Variants in IMMP2L observed in about 807,000 individuals in gnomAD.
The protein encoded by IMMP2L is mitochondrial inner membrane protease subunit 2.
Under a neutral mutation model 19.3 loss-of-function variants are expected in IMMP2L, and 18 were observed. The observed-to-expected ratio is 0.93, with a 90% CI of 0.64 to 1.38. The LOEUF is 1.38. Ranked by LOEUF, IMMP2L falls within the 40% of genes most tolerant of loss-of-function variation. The pLI is 0.00. For missense variants in IMMP2L, 233 were observed against 218.2 expected, an observed-to-expected ratio of 1.07 and a Z score of -0.43; for synonymous variants, 76 against 73.0, an observed-to-expected ratio of 1.04 and a Z score of -0.21.
chr7:111,152,683 C>G (rs1305923005), intron 3 of IMMP2L, among the ~76,000 whole-genome samples: 1 of 152,090 alleles, frequency 6.6e-6, no homozygotes, highest in Non-Finnish European at 1.5e-5. Flanking sequence ...CTACTCTATC[C>G]CCAACTCAGC....
intron 3 of IMMP2L, among the ~76,000 whole-genome samples, chr7:111,417,258 C>A (rs1467275069): frequency 1.3e-5 from 2 of 151,904 alleles, no homozygotes; most frequent in Admixed American, 1.3e-4. Context: ...AAGTAAGATA[C>A]TTTGCCAATG....
intron 3 of IMMP2L, among the ~76,000 whole-genome samples, chr7:110,992,104 T>A (rs1822537998): frequency 6.6e-6 from 1 of 152,190 alleles, no homozygotes; most frequent in Non-Finnish European, 1.5e-5. Context: ...GCTACAATTA[T>A]ATGTACATTT....
chr7:111,069,981 C>T (rs2129575256), intron 3 of IMMP2L, among the ~76,000 whole-genome samples: 1 of 152,224 alleles, frequency 6.6e-6, no homozygotes, highest in East Asian at 1.9e-4. Flanking sequence ...AGGGTGCCCT[C>T]CTTCAAAGAC....
intron 3 of IMMP2L, among the ~76,000 whole-genome samples, chr7:111,468,256 C>T (rs913413825): frequency 6.6e-6 from 1 of 152,056 alleles, no homozygotes; most frequent in Admixed American, 6.6e-5. Flanking sequence ...AAACATACAT[C>T]CCTCATTGTT....
At chr7:111,022,533 A>G (rs1826392975) in intron 3 of IMMP2L, among the ~76,000 whole-genome samples, 1 of 152,170 alleles carries the variant, frequency 6.6e-6, no homozygotes, top group African/African-American at 2.4e-5. Context: ...TCCTCCTCAG[A>G]TGTTCCGAGA....
chr7:111,303,732 T>C (rs1822519398), intron 3 of IMMP2L, among the ~76,000 whole-genome samples: 1 of 152,130 alleles, frequency 6.6e-6, no homozygotes, highest in Non-Finnish European at 1.5e-5. Context: ...CACATTTCTC[T>C]GTACAATTTT....
chr7:111,445,271 A>G (rs1838214430), intron 3 of IMMP2L, among the ~76,000 whole-genome samples: 1 of 152,024 alleles, frequency 6.6e-6, no homozygotes, highest in Non-Finnish European at 1.5e-5. Context: ...AAAAAATGAA[A>G]TCTCATATAT....
chr7:110,978,568 G>A (rs935680717), intron 3 of IMMP2L, among the ~76,000 whole-genome samples: 1 of 151,822 alleles, frequency 6.6e-6, no homozygotes, highest in Non-Finnish European at 1.5e-5. Flanking sequence ...AAAAATTGAT[G>A]GTGACATTCT....
rs572798498 is a variant in IMMP2L at position 110,843,302 on chromosome 7, A to T, written c.408+43291T>A. ...ACTTTGTTGGCAAAAAAAGATGAAG[A>T]AACAAACCAAATACTCCAATTTATT... On this transcript the variant is annotated intron_variant, in intron 5 of 5. Transcript: ENST00000405709. 2.8e-4 allele frequency among the ~76,000 whole-genome samples: 42 copies of T among 152,308 alleles called. 1 individual carries two copies. The South Asian group carries it at 8.5e-3, about 31-fold the overall frequency.
intron 5 of IMMP2L, among the ~76,000 whole-genome samples, chr7:110,754,275 T>G (rs1797910272): frequency 6.6e-6 from 1 of 152,042 alleles, no homozygotes; most frequent in African/African-American, 2.4e-5. Flanking sequence ...CCAATTAATA[T>G]AATCAGTGAA....
At chr7:111,208,744 G>A (rs1282815178) in intron 3 of IMMP2L, among the ~76,000 whole-genome samples, 1 of 152,134 alleles carries the variant, frequency 6.6e-6, no homozygotes, top group Non-Finnish European at 1.5e-5. Flanking sequence ...GATTGGTCTG[G>A]TGCAATCCTT....
intron 3 of IMMP2L, among the ~76,000 whole-genome samples, chr7:111,470,946 C>T (rs1841204088): frequency 6.6e-6 from 1 of 151,332 alleles, no homozygotes; most frequent in South Asian, 2.1e-4. Context: ...GCATACAAAG[C>T]TAAAACAGAA....
chr7:111,126,422 T>C (rs949877749), intron 3 of IMMP2L, among the ~76,000 whole-genome samples: 1 of 152,210 alleles, frequency 6.6e-6, no homozygotes, highest in Non-Finnish European at 1.5e-5. Flanking sequence ...ACAATTCAGA[T>C]ACTTTCAGAG....
chr7:111,250,815 A>C (rs1300338327), intron 3 of IMMP2L, among the ~76,000 whole-genome samples: 1 of 152,210 alleles, frequency 6.6e-6, no homozygotes, highest in Non-Finnish European at 1.5e-5. Context: ...AAGAAAATCT[A>C]GGCTATTATC....
chr7:110,796,006 G>A (rs749885789), intron 5 of IMMP2L, among the ~76,000 whole-genome samples: 8 of 151,982 alleles, frequency 5.3e-5, no homozygotes, highest in African/African-American at 1.2e-4. Context: ...TCATCAGGGC[G>A]GTTACTCTCA....
At chr7:111,364,993 T>A (rs1331151165) in intron 3 of IMMP2L, among the ~76,000 whole-genome samples, 1 of 151,812 alleles carries the variant, frequency 6.6e-6, no homozygotes, top group Non-Finnish European at 1.5e-5. Flanking sequence ...CTATAAACAT[T>A]ATATACATAA....
intron 3 of IMMP2L, among the ~76,000 whole-genome samples, chr7:111,370,306 C>T (rs1364356118): frequency 1.3e-5 from 2 of 151,860 alleles, no homozygotes; most frequent in East Asian, 3.9e-4. Flanking sequence ...CCAGTAATAA[C>T]ATGAATCTAC....
rs566087540 is a variant in IMMP2L, at chr7:111,353,507, A to G, written c.239+133731T>C. Among the ~76,000 whole-genome samples, 27 of 152,196 alleles carry G rather than the reference A, an allele frequency of 1.8e-4. 1 individual carries two copies. Among genetic ancestry groups the G allele is most frequent in the Non-Finnish European group, 3.2e-4 (22 of 68,032 alleles). On this transcript the variant is annotated intron_variant, in intron 3 of 5. Transcript: ENST00000405709. Reference sequence around the variant, plus strand: ...AACTCAAAACCCTTTTCTATTTCATATAGCTCAGCTGCTTGAAATACACTA... The same window carrying G: ...AACTCAAAACCCTTTTCTATTTCATGTAGCTCAGCTGCTTGAAATACACTA...
At chr7:111,470,496 A>G (rs369646287) in intron 3 of IMMP2L, among the ~76,000 whole-genome samples, 2 of 151,804 alleles carry the variant, frequency 1.3e-5, no homozygotes, top group South Asian at 2.1e-4. Flanking sequence ...GTGATAGACT[A>G]GATTAAGAAA....
Sources: allele counts gnomAD v4.1 joint callset (sites outside exome capture counted in the v4.1 genomes callset), GRCh38; gene constraint gnomAD v4.1.1; transcripts MANE v1.5; gene names NCBI Gene and HGNC (gene_info 2026-07-23, HGNC 2026-07-21).